Variants in PARD3 observed in about 807,000 individuals in gnomAD.
PARD3 encodes par-3 family cell polarity regulator, also known as partitioning defective 3 homolog.
PARD3 carries 75 observed loss-of-function variants against 155.4 expected under a neutral mutation model. The ratio of observed to expected loss-of-function variants is 0.48; its 90% confidence interval spans 0.40 to 0.58. The LOEUF is 0.58. PARD3 is among the 20% of genes least tolerant of loss of function. The probability of loss-of-function intolerance (pLI) is 0.00; values close to 1 mark genes in which losing one functional copy is unlikely to be tolerated. For missense variants in PARD3, 1,642 were observed against 1,721.7 expected, an observed-to-expected ratio of 0.95 and a Z score of 0.82; for synonymous variants, 576 against 610.5, an observed-to-expected ratio of 0.94 and a Z score of 0.83.
intron 22 of PARD3, among the ~76,000 whole-genome samples, chr10:34,142,629 A>C (rs1948251250): frequency 6.6e-6 from 1 of 151,970 alleles, no homozygotes; most frequent in South Asian, 2.1e-4. Flanking sequence ...GGATGGAAGG[A>C]AGAAAGGACG....
intron 14 of PARD3, among the ~76,000 whole-genome samples, chr10:34,352,492 C>G (rs965383238): frequency 6.6e-6 from 1 of 152,202 alleles, no homozygotes; most frequent in Non-Finnish European, 1.5e-5. Context: ...ATTGCAGGCA[C>G]GCGCCGCCAC....
At position 34,337,287 on chromosome 10, in the gene PARD3, T is replaced by C. The variant is rs778376518; in HGVS notation, c.2548A>G (p.Met850Val). The change falls in exon 17 of 25, where the codon ATG becomes GTG. Residue 850 changes from methionine to valine, a missense_variant. This residue lies in a region of PARD3 where 1,529 missense variants were observed against 1,587.3 expected (regional missense o/e 0.96). Coordinates refer to ENST00000374788, the MANE Select transcript of PARD3 (RefSeq NM_001184785.2). ...AGATTGTACTCACTACCTAAATCCA[T>C]GCTTTTTGATTTTCGTGTTTTAACG... ...DFVKTRKSKS[M>V]DLGIADETKL... 1.3e-6 allele frequency: 2 copies of C among 1,596,696 alleles called. No individual in the cohort carries two copies. Among genetic ancestry groups the C allele is most frequent in the Non-Finnish European group, 1.7e-6 (2 of 1,172,550 alleles).
At chr10:34,717,251 T>C (rs973212093) in intron 1 of PARD3, among the ~76,000 whole-genome samples, 1 of 152,156 alleles carries the variant, frequency 6.6e-6, no homozygotes, top group South Asian at 2.1e-4. Context: ...CCAAGTCCTT[T>C]TGTATAGAAA....
At chr10:34,668,224 G>A (rs1385191214) in intron 2 of PARD3, among the ~76,000 whole-genome samples, 1 of 152,206 alleles carries the variant, frequency 6.6e-6, no homozygotes, top group Non-Finnish European at 1.5e-5. Flanking sequence ...TCTGGCAAAT[G>A]TCTTGACCTT....
intron 22 of PARD3, among the ~76,000 whole-genome samples, chr10:34,144,686 T>C (rs1384921589): frequency 6.6e-6 from 1 of 152,208 alleles, no homozygotes; most frequent in Non-Finnish European, 1.5e-5. Context: ...GATGAAGCAT[T>C]AGCTCTCTTA....
At chr10:34,377,839 G>C in intron 10 of PARD3, 128 bp downstream of exon 10, 1 of 565,378 alleles carries the variant, frequency 1.8e-6, no homozygotes, top group Non-Finnish European at 2.9e-6. Context: ...AACACATTTT[G>C]TGACGCATAC....
chr10:34,190,708 A>G (rs1417380439), intron 22 of PARD3, among the ~76,000 whole-genome samples: 1 of 152,178 alleles, frequency 6.6e-6, no homozygotes, highest in Non-Finnish European at 1.5e-5. Flanking sequence ...TGCATGATAA[A>G]TGCTGTAACC....
chr10:34,666,936 G>A (rs1056220264), intron 2 of PARD3, among the ~76,000 whole-genome samples: 10 of 151,868 alleles, frequency 6.6e-5, no homozygotes, highest in Non-Finnish European at 1.2e-4. Flanking sequence ...TGGGAGACCA[G>A]GGCGGGTGGA....
intron 2 of PARD3, among the ~76,000 whole-genome samples, chr10:34,566,687 A>C (rs2085967469): frequency 6.6e-6 from 1 of 152,210 alleles, no homozygotes. Flanking sequence ...ACAATAGAAA[A>C]TATTACACAA....
intron 12 of PARD3, among the ~76,000 whole-genome samples, chr10:34,360,628 A>T (rs1839352595): frequency 6.6e-6 from 1 of 152,184 alleles, no homozygotes; most frequent in Admixed American, 6.6e-5. Context: ...AAAAATAAAT[A>T]AATATAATTC....
chr10:34,665,347 G>A (rs57442115), intron 2 of PARD3, among the ~76,000 whole-genome samples: 3,131 of 134,420 alleles, frequency 0.023, 116 homozygotes, highest in African/African-American at 0.094. Context: ...CCCTGTATCT[G>A]CTGAAAAAAA....
At chr10:34,811,898 G>A (rs556026094) in intron 1 of PARD3, among the ~76,000 whole-genome samples, 19 of 152,220 alleles carry the variant, frequency 1.2e-4, no homozygotes, top group African/African-American at 2.6e-4. Context: ...CATGTAACGC[G>A]GTTCCCAATG....
intron 22 of PARD3, among the ~76,000 whole-genome samples, chr10:34,148,864 G>GT (rs33997458): frequency 0.29 from 44,136 of 151,240 alleles, 6,881 homozygotes; most frequent in Non-Finnish European, 0.34. Context: ...CCAGAATCAA[G>GT]TTTTTTTTTG....
intron 19 of PARD3, among the ~76,000 whole-genome samples, chr10:34,325,689 T>C (rs1246001213): frequency 6.6e-6 from 1 of 152,158 alleles, no homozygotes; most frequent in Admixed American, 6.6e-5. Flanking sequence ...CACTCTGCAG[T>C]AGTTTTAGCG....
intron 19 of PARD3, among the ~76,000 whole-genome samples, chr10:34,329,101 G>A (rs1482042404): frequency 1.3e-5 from 2 of 151,978 alleles, no homozygotes; most frequent in African/African-American, 2.4e-5. Flanking sequence ...TTAATATACT[G>A]TTATTTCTCA....
intron 2 of PARD3, among the ~76,000 whole-genome samples, chr10:34,536,013 C>T (rs527924178): frequency 3.9e-5 from 6 of 152,090 alleles, no homozygotes; most frequent in South Asian, 2.1e-4. Flanking sequence ...AAACTGAGAA[C>T]GAGAGTGTAT....
Position 34,306,369 on chromosome 10 carries a change from G to A in PARD3, c.3065+10738C>T, listed in dbSNP as rs191076440. On this transcript the variant is annotated intron_variant, in intron 20 of 24. Coordinates refer to ENST00000374788, the MANE Select transcript of PARD3 (RefSeq NM_001184785.2). ...AATAAAAGAACTTCAATAATAAACC[G>A]GGCCAGGCGTGGCAGCTCACGCCTG... Among the ~76,000 whole-genome samples the A allele has an allele frequency of 9.3e-5, 14 of 151,276 alleles. No homozygotes were observed. The East Asian group carries it at 2.0e-3, about 21-fold the overall frequency.
intron 16 of PARD3, among the ~76,000 whole-genome samples, chr10:34,337,968 G>C (rs1488960294): frequency 1.3e-5 from 2 of 152,230 alleles, no homozygotes; most frequent in African/African-American, 2.4e-5. Context: ...TTAAAACAAA[G>C]AAATCAATTC....
chr10:34,291,908 C>A (rs1956692671), intron 20 of PARD3, among the ~76,000 whole-genome samples: 1 of 152,196 alleles, frequency 6.6e-6, no homozygotes, highest in Non-Finnish European at 1.5e-5. Context: ...GTAAATCTTG[C>A]ATTGCCGGTG....
Sources: allele counts gnomAD v4.1 joint callset (sites outside exome capture counted in the v4.1 genomes callset), GRCh38; gene constraint gnomAD v4.1.1; regional missense constraint gnomAD v4.1.1; transcripts MANE v1.5; gene names NCBI Gene and HGNC (gene_info 2026-07-23, HGNC 2026-07-21).